The following MALRD1 variants were observed in gnomAD, a reference collection of about 807,000 sequenced individuals.
MALRD1 encodes the protein MAM and LDL-receptor class A domain-containing protein 1.
MALRD1 carries 247 observed loss-of-function variants against 242.1 expected under a neutral mutation model. The ratio of observed to expected loss-of-function variants is 1.02; its 90% CI spans 0.92 to 1.13. The LOEUF is 1.13. Among genes scored for constraint, MALRD1 ranks in the 50% most tolerant of loss-of-function variants. The probability of loss-of-function intolerance (pLI) is 0.00; values close to 1 mark genes in which losing one functional copy is unlikely to be tolerated. For missense variants in MALRD1, 2,989 were observed against 2,533.1 expected, an observed-to-expected ratio of 1.18 and a Z score of -3.86; for synonymous variants, 995 against 866.6, an observed-to-expected ratio of 1.15 and a Z score of -2.60.
chr10:19,533,186 T>C (rs941758234), intron 32 of MALRD1, among the ~76,000 whole-genome samples: 13 of 152,234 alleles, frequency 8.5e-5, no homozygotes, highest in Non-Finnish European at 1.8e-4. Context: ...CTTCAGTTCC[T>C]TAGTTACCCA....
intron 29 of MALRD1, among the ~76,000 whole-genome samples, chr10:19,465,697 T>C (rs528041787): frequency 6.6e-6 from 1 of 152,284 alleles, no homozygotes; most frequent in East Asian, 1.9e-4. Context: ...CACATCCAGC[T>C]AATTTTTTGT....
At chr10:19,472,105 T>C (rs945741432) in intron 29 of MALRD1, among the ~76,000 whole-genome samples, 3 of 152,058 alleles carry the variant, frequency 2.0e-5, no homozygotes, top group African/African-American at 4.8e-5. Context: ...TTGACAAGTT[T>C]CATCATAAGA....
chr10:19,203,773 C>G lies in MALRD1; in HGVS notation c.1997C>G (p.Ala666Gly). 6.5e-7 allele frequency: 1 copy of G among 1,550,048 alleles called. No homozygotes were observed. Among genetic ancestry groups the G allele is most frequent in the Non-Finnish European group, 8.7e-7 (1 of 1,146,616 alleles). Residue 666 changes from alanine (A) to glycine (G), a missense_variant, in exon 15 of 40, where the codon GCA becomes GGA. Coordinates refer to ENST00000454679, the MANE Select transcript of MALRD1 (RefSeq NM_001142308.3). The stretch of plus-strand genomic sequence containing the variant: ...GCAAACAGCTGTGATTGGTTTGAAG[C>G]AATTAGTGGTGACCATTTTGACTGG... ...FEANSCDWFE[A>G]ISGDHFDWIR...
chr10:19,430,669 C>G (rs933449444), intron 28 of MALRD1, among the ~76,000 whole-genome samples: 1 of 151,984 alleles, frequency 6.6e-6, no homozygotes, highest in Admixed American at 6.6e-5. Flanking sequence ...CATGTGACAC[C>G]CAGCTCTATT....
chr10:19,084,026 C>T (rs113974831), intron 2 of MALRD1, among the ~76,000 whole-genome samples: 2 of 151,916 alleles, frequency 1.3e-5, no homozygotes, highest in East Asian at 1.9e-4. Context: ...TCTCCTAAAG[C>T]GACTCACATA....
intron 36 of MALRD1, among the ~76,000 whole-genome samples, chr10:19,688,512 C>T (rs570214084): frequency 1.2e-4 from 18 of 151,252 alleles, no homozygotes; most frequent in African/African-American, 2.9e-4. Flanking sequence ...CCTCCCACCT[C>T]GGTCTCCCAA....
chr10:19,457,598 G>A (rs1255271673), intron 29 of MALRD1, among the ~76,000 whole-genome samples: 9 of 151,618 alleles, frequency 5.9e-5, no homozygotes, highest in Non-Finnish European at 1.0e-4. Context: ...AACTAAGACC[G>A]GGCTGTTCTA....
chr10:19,467,330 G>A (rs532405134), intron 29 of MALRD1, among the ~76,000 whole-genome samples: 76 of 117,242 alleles, frequency 6.5e-4, no homozygotes, highest in Admixed American at 1.7e-3. Flanking sequence ...ACTCCAGCCT[G>A]GGCGACAGAG....
chr10:19,475,740 A>G (rs925160771), intron 29 of MALRD1, among the ~76,000 whole-genome samples: 1 of 152,222 alleles, frequency 6.6e-6, no homozygotes. Flanking sequence ...AAATTTGCAC[A>G]TAAATTGAAC....
intron 32 of MALRD1, among the ~76,000 whole-genome samples, chr10:19,560,192 G>T (rs1426210465): frequency 6.6e-6 from 1 of 152,182 alleles, no homozygotes; most frequent in Non-Finnish European, 1.5e-5. Flanking sequence ...TGCATGGCCG[G>T]GTGTGGTGGC....
chr10:19,115,669 A>T (rs1021306176), intron 5 of MALRD1, among the ~76,000 whole-genome samples: 1 of 152,114 alleles, frequency 6.6e-6, no homozygotes, highest in Non-Finnish European at 1.5e-5. Flanking sequence ...TGAGGTCAGG[A>T]GTTCGAGACC....
At chr10:19,730,617 C>A in intron 38 of MALRD1, 89 bp from the exon 39 acceptor site, 1 of 1,288,394 alleles carries the variant, frequency 7.8e-7, no homozygotes, top group Non-Finnish European at 1.1e-6. Flanking sequence ...CAACATGTCT[C>A]TCAAAAGTTT....
intron 5 of MALRD1, among the ~76,000 whole-genome samples, chr10:19,122,248 A>G (rs1369435608): frequency 6.6e-6 from 1 of 152,192 alleles, no homozygotes; most frequent in Non-Finnish European, 1.5e-5. Flanking sequence ...AAATATTGTT[A>G]GAGTAGAGAT....
At chr10:19,652,935 AG>A (rs1840963439) in intron 36 of MALRD1, among the ~76,000 whole-genome samples, 3 of 152,190 alleles carry the variant, frequency 2.0e-5, no homozygotes, top group Admixed American at 2.0e-4. Context: ...TCTAAGTGCC[AG>A]ACATTCATTT....
At chr10:19,048,359 T>C (rs867715756), upstream of MALRD1, among the ~76,000 whole-genome samples, 1 of 152,218 alleles carries the variant, frequency 6.6e-6, no homozygotes, top group African/African-American at 2.4e-5. Context: ...CCATGGGCTA[T>C]AGACAGACAA....
intron 32 of MALRD1, among the ~76,000 whole-genome samples, chr10:19,564,429 G>T (rs1161841571): frequency 6.6e-6 from 1 of 151,744 alleles, no homozygotes; most frequent in African/African-American, 2.4e-5. Flanking sequence ...TATAACCTTT[G>T]TATATAACCT....
intron 36 of MALRD1, among the ~76,000 whole-genome samples, chr10:19,618,943 C>G (rs1188114842): frequency 6.6e-6 from 1 of 151,976 alleles, no homozygotes; most frequent in Non-Finnish European, 1.5e-5. Flanking sequence ...TCTACACTCG[C>G]TCACTCTCTA....
chr10:19,288,157 A>G (rs1459251147), intron 21 of MALRD1, among the ~76,000 whole-genome samples: 1 of 151,896 alleles, frequency 6.6e-6, no homozygotes, highest in East Asian at 1.9e-4. Flanking sequence ...GCTCACTGAA[A>G]CCTCTAGTTT....
chr10:19,400,359 G>T (rs1846779730), intron 28 of MALRD1, among the ~76,000 whole-genome samples: 1 of 152,150 alleles, frequency 6.6e-6, no homozygotes, highest in African/African-American at 2.4e-5. Flanking sequence ...TGAATTCAGT[G>T]GCGGTGTGTT....
Sources: gnomAD v4.1 joint callset for allele counts (sites outside exome capture counted in the v4.1 genomes callset) on GRCh38, gnomAD v4.1.1 for gene constraint, MANE v1.5 for transcripts, NCBI Gene and HGNC (gene_info 2026-07-23, HGNC 2026-07-21) for gene names.